Variants in FAM153A observed in about 807,000 individuals in gnomAD.
The protein encoded by FAM153A is protein FAM153A.
FAM153A carries 12 observed loss-of-function variants against 48.1 expected under a neutral mutation model. The observed-to-expected ratio is 0.25, with a 90% CI of 0.16 to 0.40. FAM153A has a LOEUF of 0.40. Among genes scored for constraint, FAM153A ranks in the 10% least tolerant of loss-of-function variants. The pLI is 1.00. For synonymous variants in FAM153A, 36 were observed against 118.2 expected (o/e 0.30, Z 4.51); for missense variants, 111 against 345.8 (o/e 0.32, Z 5.38).
the FAM153A span, among the ~76,000 whole-genome samples, chr5:177,697,625 T>C: frequency 2.0e-5 from 3 of 151,872 alleles, no homozygotes; most frequent in East Asian, 1.9e-4. Flanking sequence ...CCACTCTGGC[T>C]CTCTTCTGTA....
intron 18 of FAM153A, among the ~76,000 whole-genome samples, chr5:177,725,711 C>A (rs1363708737): frequency 2.0e-5 from 3 of 151,664 alleles, no homozygotes; most frequent in Non-Finnish European, 4.4e-5. Context: ...TGTGACAAGA[C>A]AAGTGACTAC....
intron 4 of FAM153A, among the ~76,000 whole-genome samples, chr5:177,745,848 C>A (rs1173640800): frequency 6.6e-6 from 1 of 151,794 alleles, no homozygotes; most frequent in African/African-American, 2.4e-5. Context: ...AGCCTGAGGA[C>A]TCTGTGTGTT....
chr5:177,766,079 T>C (rs1166586900), intron 1 of FAM153A, among the ~76,000 whole-genome samples: 1 of 108,380 alleles, frequency 9.2e-6, no homozygotes, highest in African/African-American at 3.1e-5. Flanking sequence ...ATTGTGCCAC[T>C]GCACTCCAGC....
At chr5:177,757,734 T>A (rs1767887521), upstream of FAM153A, among the ~76,000 whole-genome samples, 1 of 151,246 alleles carries the variant, frequency 6.6e-6, no homozygotes, top group African/African-American at 2.5e-5. Context: ...AACCACATGA[T>A]TATCTCAATA....
At chr5:177,754,402 C>T (rs1290915177), upstream of FAM153A, among the ~76,000 whole-genome samples, 3 of 151,798 alleles carry the variant, frequency 2.0e-5, no homozygotes, top group Admixed American at 6.6e-5. Flanking sequence ...TAGACTCCAC[C>T]TCTGGGGGCA....
rs1269572141 is a variant in FAM153A, at chr5:177,769,427, G to A, written c.-57+11022C>T. On this transcript the variant is annotated intron_variant, in intron 1 of 8. Coordinates refer to the FAM153A transcript ENST00000393518. ...GATTCAGTACTATTTGTGGTCTCAG[G>A]CATTCACTGGGGGTGTCTTAGAACG... 2.1e-5 allele frequency among the ~76,000 whole-genome samples: 2 copies of A among 96,084 alleles called. 1 individual carries two copies. The highest frequency in any genetic ancestry group is 8.3e-5 in the African/African-American group (2 of 24,090). The allele number at this position is 96,084 out of a possible 152,430, so 63.0% of individuals were successfully genotyped here. A position where few individuals can be genotyped will look rare whatever the true frequency, so the allele number is the denominator to read the frequency against.
chr5:177,716,382 T>C (rs1395590483), exon 25 of FAM153A: 1 of 151,962 alleles, frequency 6.6e-6, no homozygotes, highest in Non-Finnish European at 1.5e-5. Flanking sequence ...ATTTTAGAAC[T>C]CAATCAGAAC....
At chr5:177,759,980 A>C (rs1272121133) in intron 1 of FAM153A, among the ~76,000 whole-genome samples, 6 of 148,916 alleles carry the variant, frequency 4.0e-5, no homozygotes, top group South Asian at 4.2e-4. Context: ...ATAAAAAAAA[A>C]CAAAAAAAAC....
At chr5:177,737,199 G>T (rs1764804999) in intron 10 of FAM153A, 87 bp from the exon 13 acceptor site, 2 of 1,542,742 alleles carry the variant, frequency 1.3e-6, no homozygotes, top group African/African-American at 1.4e-5. Context: ...GGGCTGGCGT[G>T]TGTGGAAAGG....
Position 177,741,381 on chromosome 5 carries a change from C to A in FAM153A, c.365-49G>T, listed in dbSNP as rs766053941. On this transcript the variant is annotated intron_variant, in intron 6 of 20. Coordinates refer to ENST00000614127, the Ensembl canonical transcript of FAM153A. The stretch of plus-strand genomic sequence containing the variant: ...AGCACGTTGGGTGCACTGAAGGAAT[C>A]CGTCAGGCAGACTTGTGTGCTAAAA... 13 of 590,904 alleles carry A rather than the reference C, an allele frequency of 2.2e-5. 4 individuals carry two copies. The highest frequency in any genetic ancestry group is 5.7e-5 in the South Asian group (2 of 34,926). 36.6% of individuals were successfully genotyped at this position (590,904 alleles called of 1,614,324 possible).
chr5:177,718,838 T>C (rs951434232), downstream of FAM153A, among the ~76,000 whole-genome samples: 48 of 149,870 alleles, frequency 3.2e-4, no homozygotes, highest in African/African-American at 1.2e-3. Context: ...GACTAAACAA[T>C]TTGTAATCAA....
At chr5:177,746,673 G>T (rs892968547) in intron 4 of FAM153A, among the ~76,000 whole-genome samples, 2 of 149,992 alleles carry the variant, frequency 1.3e-5, no homozygotes, top group Non-Finnish European at 3.0e-5. Flanking sequence ...TGTGTGTCAT[G>T]GGGCCCGCTG....
chr5:177,707,043 T>TATTA (rs1214444512), downstream of FAM153A, among the ~76,000 whole-genome samples: 1 of 151,914 alleles, frequency 6.6e-6, no homozygotes, highest in Non-Finnish European at 1.5e-5. Context: ...GAGCCCCAGT[T>TATTA]ATTAAAGTAA....
chr5:177,761,488 G>A (rs1290051669), intron 1 of FAM153A, among the ~76,000 whole-genome samples: 16 of 151,832 alleles, frequency 1.1e-4, no homozygotes, highest in African/African-American at 2.9e-4. Context: ...GGCATCACCA[G>A]CTTTGACCCT....
chr5:177,749,099 C>T (rs1444412925), intron 2 of FAM153A, among the ~76,000 whole-genome samples: 1 of 145,066 alleles, frequency 6.9e-6, no homozygotes, highest in Non-Finnish European at 1.5e-5. Context: ...TACTTATCAT[C>T]CATTTAATTG....
intron 1 of FAM153A, among the ~76,000 whole-genome samples, chr5:177,778,346 A>G (rs2127723024): frequency 1.1e-5 from 1 of 90,858 alleles, no homozygotes; most frequent in Non-Finnish European, 2.2e-5. Flanking sequence ...TAGTTTTACC[A>G]GAATAAAAAA....
the FAM153A span, among the ~76,000 whole-genome samples, chr5:177,698,021 T>A: frequency 6.6e-5 from 10 of 151,168 alleles, no homozygotes; most frequent in Admixed American, 6.6e-4. Flanking sequence ...GCTTTTTGTT[T>A]GGGAAGTTAG....
Position 177,769,110 on chromosome 5 carries a change from G to GTA in FAM153A, c.-57+11337_-57+11338dup, listed in dbSNP as rs1768951184. Among the ~76,000 whole-genome samples, 5 of 81,924 alleles carry GTA rather than the reference G, an allele frequency of 6.1e-5. 1 individual carries two copies. The Admixed American group carries it at 6.5e-4, about 11-fold the overall frequency. The allele number at this position is 81,924 out of a possible 152,430, so 53.7% of individuals were successfully genotyped here. On this transcript the variant is annotated intron_variant, in intron 1 of 8. Coordinates refer to the FAM153A transcript ENST00000393518. ...TAGCCGGGCTTTGTGGCGGGTGCCT[G>GTA]TAGTCCCAGCTACTCCAGAGGCTGA...
At chr5:177,761,381 T>G (rs996439932) in intron 1 of FAM153A, among the ~76,000 whole-genome samples, 3 of 151,836 alleles carry the variant, frequency 2.0e-5, no homozygotes, top group African/African-American at 7.3e-5. Flanking sequence ...TGAATGACCT[T>G]GTGAGGGTCA....
Sources: gnomAD v4.1 joint callset for allele counts (sites outside exome capture counted in the v4.1 genomes callset) on GRCh38, gnomAD v4.1.1 for gene constraint, MANE v1.5 for transcripts, NCBI Gene and HGNC (gene_info 2026-07-23, HGNC 2026-07-21) for gene names.